Variants in CEP120 observed in about 807,000 individuals in gnomAD.
CEP120 encodes centrosomal protein of 120 kDa.
In CEP120, 113 loss-of-function variants were observed where a neutral mutation model predicts 126.5. The observed-to-expected ratio is 0.89, with a 90% CI of 0.77 to 1.04. CEP120 has a LOEUF of 1.04. CEP120 is among the 50% of genes least tolerant of loss of function. The probability of loss-of-function intolerance (pLI) is 0.00; values close to 1 mark genes in which losing one functional copy is unlikely to be tolerated. For synonymous variants in CEP120, 400 were observed against 394.3 expected (o/e 1.01, Z -0.17); for missense variants, 1,230 against 1,155.7 (o/e 1.06, Z -0.93).
intron 5 of CEP120, among the ~76,000 whole-genome samples, chr5:123,394,475 G>A (rs886222852): frequency 3.9e-5 from 6 of 152,152 alleles, no homozygotes; most frequent in African/African-American, 1.2e-4. Context: ...TGATCTGATA[G>A]GAGGCAGAGC....
In CEP120 at chr5:123,383,057, A is replaced by T; in HGVS notation, c.1789T>A (p.Ser597Thr). 5 of 1,548,418 alleles carry T rather than the reference A, an allele frequency of 3.2e-6. No individual in the cohort carries two copies. The highest frequency in any genetic ancestry group is 4.4e-6 in the Non-Finnish European group (5 of 1,124,196). ...TAATCTTCTAGAGTCACTGTGTAAG[A>T]AAGATCTGCTATCCTGTTATTTGAT... ...QGSNNRIADL[S>T]YTVTLEDYGL... is the part of the protein sequence containing the mutation. Residue 597 changes from serine to threonine, a missense_variant, in exon 12 of 20, where the codon TCT becomes ACT. By Grantham distance (58) the Ser-to-Thr change is moderately conservative (BLOSUM62 1). Coordinates refer to ENST00000306467, the MANE Select transcript of CEP120 (RefSeq NM_001375405.1).
intron 5 of CEP120, among the ~76,000 whole-genome samples, chr5:123,396,349 G>GT (rs2127083553): frequency 6.6e-6 from 1 of 151,634 alleles, no homozygotes; most frequent in African/African-American, 2.4e-5. Context: ...TGGTAATTCT[G>GT]TTTAACTTTG....
intron 4 of CEP120, chr5:123,402,161 TC>T (rs1773293695): frequency 6.3e-7 from 1 of 1,581,970 alleles, no homozygotes. Flanking sequence ...CGGTGATGCC[TC>T]CCATGCCGCT....
intron 4 of CEP120, chr5:123,401,432 T>C: frequency 7.3e-7 from 1 of 1,361,240 alleles, no homozygotes; most frequent in Non-Finnish European, 1.1e-6. Flanking sequence ...GATCTTAGTC[T>C]TTGTGCACCG....
chr5:123,400,881 C>T lies in CEP120; in HGVS notation c.464-1597G>A, dbSNP rs1168844513. 5.0e-6 allele frequency: 6 copies of T among 1,207,540 alleles called. No individual in the cohort carries two copies. The East Asian group carries it at 7.0e-5, about 14-fold the overall frequency. 74.8% of individuals were successfully genotyped at this position (1,207,540 alleles called of 1,614,324 possible). ...ACCTCCCTCCCAGGCTCTGGGGCAG[C>T]GCAGGAGGGGTAGGCTGGGAGGGGC... is the stretch of plus-strand genomic sequence containing the variant. On this transcript the variant is annotated intron_variant, in intron 4 of 19. Coordinates refer to ENST00000306467, the MANE Select transcript of CEP120 (RefSeq NM_001375405.1).
intron 1 of CEP120, among the ~76,000 whole-genome samples, chr5:123,419,993 C>G (rs1168998187): frequency 6.6e-6 from 1 of 152,188 alleles, no homozygotes; most frequent in East Asian, 1.9e-4. Flanking sequence ...GCTACTCACC[C>G]TGGTACAAGC....
chr5:123,379,007 C>T (rs531916767), intron 14 of CEP120, among the ~76,000 whole-genome samples: 14 of 150,978 alleles, frequency 9.3e-5, no homozygotes, highest in Admixed American at 5.3e-4. Flanking sequence ...GTGAAGACAG[C>T]GGAACACAAC....
At chr5:123,379,884 G>C (rs1232991402) in intron 14 of CEP120, among the ~76,000 whole-genome samples, 1 of 152,068 alleles carries the variant, frequency 6.6e-6, no homozygotes, top group Non-Finnish European at 1.5e-5. Context: ...CTTCACCAAA[G>C]TGAAAGCATG....
chr5:123,393,382 A>G lies in CEP120; in HGVS notation c.728T>C (p.Phe243Ser). 2 of 1,614,162 alleles carry G rather than the reference A, an allele frequency of 1.2e-6. No individual in the cohort carries two copies. The highest frequency in any genetic ancestry group is 1.7e-6 in the Non-Finnish European group (2 of 1,180,012). Reference protein sequence around the residue: ...EPFNDLINPNFEPERASVRIR... With the variant: ...EPFNDLINPNSEPERASVRIR... ...GCGAACTGATGCTCTCTCTGGCTCAAAGTTTGGGTTGATTAAATCATTGAA... is the reference window on the plus strand; with the variant it reads ...GCGAACTGATGCTCTCTCTGGCTCAGAGTTTGGGTTGATTAAATCATTGAA... Residue 243 changes from phenylalanine (F) to serine (S), a missense_variant, in exon 6 of 20, where the codon TTT (phenylalanine) becomes TCT (serine). Transcript: ENST00000306467.
rs865959521 is a variant in CEP120 at position 123,372,736 on chromosome 5, T to C, written c.2395A>G (p.Lys799Glu). ...DAENKYKILE[K>E]EFQQFKDQQN... ...TGGTCCTTGAACTGTTGGAACTCTT[T>C]TTCCAAAATCTTATACTTATTTTCA... The change falls in exon 17 of 20, where the codon AAA (lysine) becomes GAA (glutamate). Residue 799 changes from lysine to glutamate, a missense_variant. Lys to Glu is a moderately conservative substitution (Grantham distance 56). Transcript: ENST00000306467. 6.2e-7 allele frequency: 1 copy of C among 1,607,282 alleles called. No individual in the cohort carries two copies. The highest frequency in any genetic ancestry group is 8.5e-7 in the Non-Finnish European group (1 of 1,176,780).
intron 4 of CEP120, among the ~76,000 whole-genome samples, chr5:123,404,585 T>C (rs1773520723): frequency 6.6e-6 from 1 of 152,134 alleles, no homozygotes; most frequent in Non-Finnish European, 1.5e-5. Context: ...AGTTAAGAAG[T>C]ACTGGTAAGA....
Position 123,401,106 on chromosome 5 carries a change from G to A in CEP120, c.464-1822C>T, listed in dbSNP as rs990619487. ...ACTTGCATAGCCGCTGGTGGTCTTC[G>A]TATGAATACTCATGTTCTGCATCCC... On this transcript the variant is annotated intron_variant, in intron 4 of 19. Transcript: ENST00000306467. 34 of 1,597,280 alleles carry A rather than the reference G, an allele frequency of 2.1e-5. No homozygotes were observed. In the East Asian group the frequency reaches 3.3e-4, roughly 16 times the overall value.
At chr5:123,399,099 A>C (rs1432108511) in intron 5 of CEP120, 37 bp downstream of exon 5, 2 of 1,464,302 alleles carry the variant, frequency 1.4e-6, no homozygotes, top group Non-Finnish European at 1.8e-6. Flanking sequence ...TAGTTTTCAA[A>C]TTATTCGTAA....
chr5:123,369,597 TG>T (rs1408645125), intron 17 of CEP120, among the ~76,000 whole-genome samples: 1 of 152,028 alleles, frequency 6.6e-6, no homozygotes, highest in South Asian at 2.1e-4. Context: ...TCAGTTCCTT[TG>T]CAGCTGTTCC....
chr5:123,389,072 G>C (rs151116286), intron 8 of CEP120, among the ~76,000 whole-genome samples: 19 of 152,296 alleles, frequency 1.2e-4, no homozygotes, highest in African/African-American at 4.3e-4. Context: ...AGAGATCAGA[G>C]ATACTTAGTG....
At chr5:123,395,464 C>T (rs1197294134) in intron 5 of CEP120, among the ~76,000 whole-genome samples, 1 of 152,146 alleles carries the variant, frequency 6.6e-6, no homozygotes, top group Non-Finnish European at 1.5e-5. Flanking sequence ...TCATCCCAAA[C>T]ATAAACAATA....
Position 123,346,570 on chromosome 5 carries a change from T to C in CEP120, c.2910A>G (p.Glu970=). The C allele has an allele frequency of 6.2e-7, 1 of 1,613,804 alleles. No individual in the cohort carries two copies. The highest frequency in any genetic ancestry group is 8.5e-7 in the Non-Finnish European group (1 of 1,179,908). Residue 970 remains glutamate (E), a synonymous_variant, in exon 20 of 20, where the codon GAA becomes GAG. Coordinates refer to ENST00000306467, the MANE Select transcript of CEP120 (RefSeq NM_001375405.1). The stretch of plus-strand genomic sequence containing the variant: ...AAATCTCTCTGATCTGTCGGTCGAG[T>C]TCACTTATTATTCGATCCTCGTGAT... ...VYNHEDRIIS[E]LDRQIREILA... is the part of the protein sequence containing the mutation.
At chr5:123,417,296 C>CT (rs34768912) in intron 2 of CEP120, among the ~76,000 whole-genome samples, 7 of 151,758 alleles carry the variant, frequency 4.6e-5, no homozygotes, top group African/African-American at 1.7e-4. Context: ...CCTTGCTTTC[C>CT]TTTTTTTTAA....
chr5:123,391,307 CA>C lies in CEP120; in HGVS notation c.840del (p.Gly281GlufsTer7), dbSNP rs770374270. ...QIHLCCGDQS[L>X]GSTEIPLTGL... is the part of the protein sequence containing the mutation. ...CCAGTTAAAGGTATTTCTGTACTTCCAAGTGACTGGTCTCCACAGCAGAGGT... is the reference window on the plus strand; with the variant it reads ...CCAGTTAAAGGTATTTCTGTACTTCCAGTGACTGGTCTCCACAGCAGAGGT... On this transcript the variant is annotated frameshift_variant, in exon 7 of 20. Coordinates refer to ENST00000306467, the MANE Select transcript of CEP120 (RefSeq NM_001375405.1). LOFTEE classifies it high-confidence loss of function. 4.3e-6 allele frequency: 7 copies of C among 1,613,998 alleles called. No individual in the cohort carries two copies. The highest frequency in any genetic ancestry group is 5.9e-6 in the Non-Finnish European group (7 of 1,179,908).
Sources: allele counts gnomAD v4.1 joint callset (sites outside exome capture counted in the v4.1 genomes callset), GRCh38; gene constraint gnomAD v4.1.1; transcripts MANE v1.5; gene names NCBI Gene and HGNC (gene_info 2026-07-23, HGNC 2026-07-21).